MAN1C1: variants seen among roughly 807,000 people sequenced by gnomAD.
MAN1C1 encodes the protein mannosidase alpha class 1C member 1, also known as mannosyl-oligosaccharide 1,2-alpha-mannosidase IC.
In MAN1C1, 49 loss-of-function variants were observed where a neutral mutation model predicts 71.5. The observed-to-expected ratio is 0.69, with a 90% CI of 0.54 to 0.87. The LOEUF is 0.87. Ranked by LOEUF, MAN1C1 falls within the 40% of genes least tolerant of loss-of-function variation. The pLI is 0.00. For missense variants in MAN1C1, 743 were observed against 835.0 expected (o/e 0.89, Z 1.36); for synonymous variants, 352 against 343.7 (o/e 1.02, Z -0.27).
At chr1:25,633,570 C>G (rs2045415909) in intron 1 of MAN1C1, among the ~76,000 whole-genome samples, 1 of 146,636 alleles carries the variant, frequency 6.8e-6, no homozygotes, top group African/African-American at 2.5e-5. Flanking sequence ...GCTGTACAGT[C>G]TGTCTTATCA....
intron 1 of MAN1C1, 112 bp from the exon 2 acceptor site, chr1:25,686,328 G>A: frequency 2.3e-6 from 2 of 851,772 alleles, no homozygotes; most frequent in South Asian, 3.1e-5. Context: ...GGAAAATTTG[G>A]AAGGTTATCT....
rs552206665 is a variant in MAN1C1, at chr1:25,708,330, G to C, written c.637+21794G>C. On this transcript the variant is annotated intron_variant, in intron 2 of 11. Coordinates refer to ENST00000374332, the MANE Select transcript of MAN1C1 (RefSeq NM_020379.4). ...GGCATTTATAAATAGTCATGGCGCT[G>C]GTGGGAGTGCCTTTTAGCATGCTAA... 2.0e-5 allele frequency among the ~76,000 whole-genome samples: 3 copies of C among 152,318 alleles called. No homozygotes were observed. The South Asian group carries it at 6.2e-4, about 32-fold the overall frequency.
chr1:25,782,342 C>A lies in MAN1C1; in HGVS notation c.1651-243C>A, dbSNP rs982227616. On this transcript the variant is annotated intron_variant, in intron 10 of 11. Coordinates refer to ENST00000374332, the MANE Select transcript of MAN1C1 (RefSeq NM_020379.4). This position sits in a 1 kb window ranked among gnomAD's most constrained non-coding sequence, Gnocchi z 4.4. ...GAAGAGCTCAGGACAGGCAGCCCAT[C>A]GGGCCAGAGCTCTCAGAGGTGTGGG... 6.6e-6 allele frequency among the ~76,000 whole-genome samples: 1 copy of A among 152,124 alleles called. No individual in the cohort carries two copies. Among genetic ancestry groups the A allele is most frequent in the East Asian group, 1.9e-4 (1 of 5,170 alleles).
chr1:25,618,313 A>T lies in MAN1C1; in HGVS notation c.516A>T (p.Arg172=). 1 of 1,602,388 alleles carries T rather than the reference A, an allele frequency of 6.2e-7. No individual in the cohort carries two copies. Among genetic ancestry groups the T allele is most frequent in the Non-Finnish European group, 8.5e-7 (1 of 1,176,426 alleles). Reference sequence around the variant, plus strand: ...GTCAGGAGCCCCAGAGCCAAGTGCGAGCCCAGCGGGAGAAAATCAAGGAGG... The same window carrying T: ...GTCAGGAGCCCCAGAGCCAAGTGCGTGCCCAGCGGGAGAAAATCAAGGAGG... ...DESQEPQSQV[R]AQREKIKEMM... is the part of the protein sequence containing the mutation. The change falls in exon 1 of 12, where the codon CGA becomes CGT. Residue 172 remains arginine (R), a synonymous_variant. Coordinates refer to ENST00000374332, the MANE Select transcript of MAN1C1 (RefSeq NM_020379.4).
rs150459884 is a variant in MAN1C1, at chr1:25,783,781, A to C, written c.1885A>C (p.Arg629=). ...AGACAGCTCCGGCAGAGCCTGGGGC[A>C]GACACTGACCCCATCTCCTGCCGCC... ...HSDSSGRAWG[R]H is the part of the protein sequence containing the mutation. Residue 629 remains arginine (R), a synonymous_variant, in exon 12 of 12, where the codon AGA becomes CGA. Transcript: ENST00000374332. The C allele has an allele frequency of 4.3e-6, 7 of 1,610,978 alleles. No individual in the cohort carries two copies. The highest frequency in any genetic ancestry group is 5.9e-6 in the Non-Finnish European group (7 of 1,179,940).
At chr1:25,619,415 G>A (rs116195950) in intron 1 of MAN1C1, among the ~76,000 whole-genome samples, 2,943 of 152,320 alleles carry the variant, frequency 0.019, 100 homozygotes, top group African/African-American at 0.067. Flanking sequence ...GGAAGAGCAG[G>A]CAGCAAGGAT....
rs1443129137 is a variant in MAN1C1 at position 25,634,311 on chromosome 1, G to A, written c.540+15974G>A. Among the ~76,000 whole-genome samples, 6 of 152,142 alleles carry A rather than the reference G, an allele frequency of 3.9e-5. No individual in the cohort carries two copies. Among genetic ancestry groups the A allele is most frequent in the Non-Finnish European group, 7.4e-5 (5 of 68,012 alleles). Reference sequence around the variant, plus strand: ...ACATCTTTGCCTTGTTCTTGATCTCGAGGGAAAAGCAGCCAGTCTTTCATC... The same window carrying A: ...ACATCTTTGCCTTGTTCTTGATCTCAAGGGAAAAGCAGCCAGTCTTTCATC... On this transcript the variant is annotated intron_variant, in intron 1 of 11. Transcript: ENST00000374332. This position sits in a 1 kb window ranked among gnomAD's most constrained non-coding sequence, Gnocchi z 4.6.
At chr1:25,694,797 C>T (rs1340216377) in intron 2 of MAN1C1, among the ~76,000 whole-genome samples, 2 of 152,180 alleles carry the variant, frequency 1.3e-5, no homozygotes, top group Non-Finnish European at 2.9e-5. Context: ...TTCCCTAGTA[C>T]GTGGATCTCC....
Position 25,778,307 on chromosome 1 carries a change from A to G in MAN1C1, c.1460A>G (p.Glu487Gly). The stretch of plus-strand genomic sequence containing the variant: ...GCCCAGATCACCAAGACGTGTCACG[A>G]GTCATACGCCCGCTCAGGTAACCCT... ...LAAQITKTCH[E>G]SYARSDTKLG... Residue 487 changes from glutamate to glycine, a missense_variant, in exon 9 of 12, where the codon GAG becomes GGG. Glu to Gly is a moderately conservative substitution (Grantham distance 98, BLOSUM62 -2). Transcript: ENST00000374332. This position sits in a 1 kb window ranked among gnomAD's most constrained non-coding sequence, Gnocchi z 5.5. 6.2e-7 allele frequency: 1 copy of G among 1,612,534 alleles called. No individual in the cohort carries two copies. The highest frequency in any genetic ancestry group is 1.1e-5 in the South Asian group (1 of 90,966).
At position 25,695,331 on chromosome 1, in the gene MAN1C1, C is replaced by T. The variant is rs114122043; in HGVS notation, c.637+8795C>T. ...CTTTGAGAGCCCTGAAAGCGCCATCCGGAGGCCAGAGGATATAAAAGTCGG... is the reference window on the plus strand; with the variant it reads ...CTTTGAGAGCCCTGAAAGCGCCATCTGGAGGCCAGAGGATATAAAAGTCGG... On this transcript the variant is annotated intron_variant, in intron 2 of 11. Coordinates refer to ENST00000374332, the MANE Select transcript of MAN1C1 (RefSeq NM_020379.4). 9.7e-3 allele frequency among the ~76,000 whole-genome samples: 1,484 copies of T among 152,214 alleles called. 27 individuals carry two copies. The highest frequency in any genetic ancestry group is 0.032 in the African/African-American group (1,318 of 41,522).
chr1:25,767,533 TACACACACTCCCCTC>T (rs1192596250), intron 7 of MAN1C1, among the ~76,000 whole-genome samples: 28 of 98,988 alleles, frequency 2.8e-4, no homozygotes, highest in East Asian at 9.8e-4. Flanking sequence ...CATACACTCC[TACACACACTCCCCTC>T]ACACACACTC....
chr1:25,693,212 C>T (rs918233322), intron 2 of MAN1C1, among the ~76,000 whole-genome samples: 29 of 152,158 alleles, frequency 1.9e-4, no homozygotes, highest in Non-Finnish European at 2.6e-4. Context: ...AAAATATATT[C>T]ACTGTCCATT....
chr1:25,661,155 C>T (rs1046566770), intron 1 of MAN1C1, among the ~76,000 whole-genome samples: 3 of 152,130 alleles, frequency 2.0e-5, no homozygotes, highest in African/African-American at 7.2e-5. Context: ...GTTGGAGCTA[C>T]ATGCAGAGGG....
chr1:25,704,527 C>T (rs956029598), intron 2 of MAN1C1, among the ~76,000 whole-genome samples: 8 of 152,210 alleles, frequency 5.3e-5, no homozygotes, highest in Admixed American at 2.6e-4. Flanking sequence ...GCTAGAGAAT[C>T]CCTGATGGCT....
chr1:25,753,169 C>A lies in MAN1C1; in HGVS notation c.835-315C>A, dbSNP rs1449216602. Among the ~76,000 whole-genome samples the A allele has an allele frequency of 6.6e-6, 1 of 152,156 alleles. No homozygotes were observed. The highest frequency in any genetic ancestry group is 1.5e-5 in the Non-Finnish European group (1 of 68,036). ...CCAGTGGCTGCCCCATCCCAATAAG[C>A]AGCATCCAGCCTTTGCCACCAGAGT... is the stretch of plus-strand genomic sequence containing the variant. On this transcript the variant is annotated intron_variant, in intron 4 of 11. Coordinates refer to ENST00000374332, the MANE Select transcript of MAN1C1 (RefSeq NM_020379.4). This position sits in a 1 kb window ranked among gnomAD's most constrained non-coding sequence, Gnocchi z 4.9.
intron 2 of MAN1C1, among the ~76,000 whole-genome samples, chr1:25,705,419 C>G (rs2046507498): frequency 6.6e-6 from 1 of 152,170 alleles, no homozygotes; most frequent in Non-Finnish European, 1.5e-5. Context: ...CGATGGCTGT[C>G]CAGTATTCTA....
At chr1:25,754,565 A>G (rs1454684900) in intron 5 of MAN1C1, among the ~76,000 whole-genome samples, 1 of 151,884 alleles carries the variant, frequency 6.6e-6, no homozygotes, top group Non-Finnish European at 1.5e-5. Flanking sequence ...GGCCGGAGAA[A>G]TCCCAGTCTC....
chr1:25,636,093 C>T (rs2045456385), intron 1 of MAN1C1, among the ~76,000 whole-genome samples: 1 of 152,160 alleles, frequency 6.6e-6, no homozygotes, highest in Admixed American at 6.5e-5. Context: ...AGATCACATG[C>T]TTCAAAGGGC....
At chr1:25,733,294 AC>A (rs2124305916) in intron 2 of MAN1C1, among the ~76,000 whole-genome samples, 1 of 152,254 alleles carries the variant, frequency 6.6e-6, no homozygotes, top group East Asian at 1.9e-4. Flanking sequence ...CACTCATCAT[AC>A]AGCAGCCAGT....
Sources: gnomAD v4.1 joint callset for allele counts (sites outside exome capture counted in the v4.1 genomes callset) on GRCh38, gnomAD v4.1.1 for gene constraint, Gnocchi (gnomAD v3.1) non-coding constraint, MANE v1.5 for transcripts, NCBI Gene and HGNC (gene_info 2026-07-23, HGNC 2026-07-21) for gene names.